Variants in KDM1A observed in about 807,000 individuals in gnomAD.
The protein encoded by KDM1A is lysine demethylase 1A.
A neutral mutation model predicts 109.4 loss-of-function variants in KDM1A; 49 were observed. That is an observed-to-expected ratio of 0.45 (90% CI 0.36 to 0.57). The LOEUF (loss-of-function observed/expected upper bound fraction) is 0.57, where lower values mean the gene tolerates loss of function less well. Ranked by LOEUF, KDM1A falls within the 20% of genes least tolerant of loss-of-function variation. KDM1A has a pLI of 0.00. For synonymous variants in KDM1A, 380 were observed against 415.4 expected, an observed-to-expected ratio of 0.91 and a Z score of 1.04; for missense variants, 668 against 1,116.6, an observed-to-expected ratio of 0.60 and a Z score of 5.73.
At chr1:23,038,205 G>T (rs1421220351) in intron 2 of KDM1A, among the ~76,000 whole-genome samples, 2 of 151,926 alleles carry the variant, frequency 1.3e-5, no homozygotes. Flanking sequence ...GCCATTTTCA[G>T]TAATGAGTCG....
At chr1:23,052,784 A>G (rs1642710150) in intron 4 of KDM1A, among the ~76,000 whole-genome samples, 1 of 152,084 alleles carries the variant, frequency 6.6e-6, no homozygotes, top group Non-Finnish European at 1.5e-5. Flanking sequence ...ATTGCTTTGT[A>G]AGATGATCCT....
In KDM1A at chr1:23,019,648, G is replaced by T; in HGVS notation, c.52G>T (p.Ala18Ser). The T allele has an allele frequency of 7.1e-7, 1 of 1,411,794 alleles. No homozygotes were observed. Among genetic ancestry groups the T allele is most frequent in the Non-Finnish European group, 9.2e-7 (1 of 1,090,166 alleles). 87.5% of individuals were successfully genotyped at this position (1,411,794 alleles called of 1,614,324 possible). ...AAAAAAAAAA[A>S]TGTEAGPGTA... ...CGCGGCGGCGGCGGCTGCAGCGGCA[G>T]CAACCGGGACGGAGGCTGGCCCTGG... The change falls in exon 1 of 21, where the codon GCA becomes TCA. Residue 18 changes from alanine (A) to serine (S), a missense_variant. This residue lies in a region of KDM1A where 156 missense variants were observed against 163.4 expected (regional missense o/e 0.95). Transcript: ENST00000400181.
chr1:23,020,102 G>A, intron 1 of KDM1A, 155 bp downstream of exon 1: 1 of 805,908 alleles, frequency 1.2e-6, no homozygotes, highest in South Asian at 3.0e-5. Flanking sequence ...TAGCTGGACG[G>A]GTGGGGTGAG....
At chr1:23,053,706 G>C in intron 4 of KDM1A, 55 bp from the exon 5 acceptor site, 2 of 1,211,892 alleles carry the variant, frequency 1.7e-6, no homozygotes, top group Non-Finnish European at 2.4e-6. Flanking sequence ...TTTAAAGATA[G>C]TCAAATAACA....
At chr1:23,040,446 C>G (rs1642274455) in intron 2 of KDM1A, among the ~76,000 whole-genome samples, 1 of 152,070 alleles carries the variant, frequency 6.6e-6, no homozygotes, top group African/African-American at 2.4e-5. Context: ...TAAGATAAAT[C>G]AAAAAGATCT....
At chr1:23,046,526 A>G (rs1642509123) in intron 3 of KDM1A, among the ~76,000 whole-genome samples, 1 of 152,122 alleles carries the variant, frequency 6.6e-6, no homozygotes, top group African/African-American at 2.4e-5. Flanking sequence ...GTTAATTTTT[A>G]TATCTCTATT....
At chr1:23,026,780 T>C (rs1641817577) in intron 1 of KDM1A, among the ~76,000 whole-genome samples, 1 of 152,162 alleles carries the variant, frequency 6.6e-6, no homozygotes. Context: ...AGACTAAAGA[T>C]TTAAATTTCA....
intron 14 of KDM1A, 107 bp from the exon 15 acceptor site, chr1:23,073,185 G>A: frequency 1.6e-6 from 1 of 636,622 alleles, no homozygotes; most frequent in South Asian, 2.1e-5. Flanking sequence ...TTCATATAAG[G>A]CACAGCCCTG....
intron 1 of KDM1A, among the ~76,000 whole-genome samples, chr1:23,022,111 T>G (rs139235190): frequency 6.6e-6 from 1 of 152,348 alleles, no homozygotes; most frequent in African/African-American, 2.4e-5. Flanking sequence ...CTTGGCTATT[T>G]TACATAATGC....
At chr1:23,032,476 C>A (rs778224383) in intron 2 of KDM1A, among the ~76,000 whole-genome samples, 3 of 150,270 alleles carry the variant, frequency 2.0e-5, no homozygotes, top group Non-Finnish European at 3.0e-5. Context: ...AATTATAATG[C>A]AGTGGTTTAG....
intron 6 of KDM1A, 140 bp downstream of exon 6, chr1:23,055,301 T>TA (rs1642799347): frequency 3.5e-6 from 1 of 289,442 alleles, no homozygotes; most frequent in Admixed American, 6.1e-5. Context: ...TTTATCTTCT[T>TA]AAAGTCAAGT....
chr1:23,057,371 A>G (rs1642861582), intron 7 of KDM1A, 113 bp from the exon 8 acceptor site: 2 of 761,090 alleles, frequency 2.6e-6, no homozygotes, highest in South Asian at 1.6e-5. Flanking sequence ...CATTCCATGT[A>G]AACTCTACAT....
At chr1:23,056,196 G>C (rs1642825631) in intron 7 of KDM1A, among the ~76,000 whole-genome samples, 158 bp downstream of exon 7, 1 of 151,776 alleles carries the variant, frequency 6.6e-6, no homozygotes, top group African/African-American at 2.4e-5. Flanking sequence ...TTTTTAAAAA[G>C]CTTTTTTTTT....
At chr1:23,030,699 C>A in intron 2 of KDM1A, 65 bp downstream of exon 2, 1 of 1,433,318 alleles carries the variant, frequency 7.0e-7, no homozygotes, top group South Asian at 1.5e-5. Context: ...GGATTTATTT[C>A]CATTTTGCAA....
At chr1:23,038,520 A>ACTTTCAAAAAGTGTTCACT (rs1201834560) in intron 2 of KDM1A, among the ~76,000 whole-genome samples, 10 of 152,212 alleles carry the variant, frequency 6.6e-5, no homozygotes, top group Admixed American at 5.2e-4. Flanking sequence ...TCTCTGGAAC[A>ACTTTCAAAAAGTGTTCACT]TTTTGAAAAG....
At chr1:23,064,129 T>A (rs1462506687) in intron 9 of KDM1A, among the ~76,000 whole-genome samples, 1 of 152,206 alleles carries the variant, frequency 6.6e-6, no homozygotes, top group Non-Finnish European at 1.5e-5. Context: ...GCTCAAGTGA[T>A]CCTCCTGCTT....
At position 23,082,246 on chromosome 1, in the gene KDM1A, G is replaced by A. The variant is rs1218474953; in HGVS notation, c.2325G>A (p.Trp775Ter). 6.2e-7 allele frequency: 1 copy of A among 1,613,518 alleles called. No homozygotes were observed. Residue 775 changes from tryptophan to a stop codon, truncating the protein, a stop_gained, in exon 20 of 21, where the codon TGG becomes TGA. Transcript: ENST00000400181. LOFTEE classifies it high-confidence loss of function. ...CCAAAGAAACTGTGGTGTCTCGTTG[G>A]CGTGCTGATCCCTGGGCTCGGGGCT... ...PQPKETVVSR[W>*]RADPWARGSY...
chr1:23,050,923 A>T (rs1301749333), intron 4 of KDM1A, among the ~76,000 whole-genome samples: 1 of 152,096 alleles, frequency 6.6e-6, no homozygotes, highest in Non-Finnish European at 1.5e-5. Context: ...TTTCTCTACT[A>T]AAAATACAAA....
intron 2 of KDM1A, among the ~76,000 whole-genome samples, chr1:23,038,841 C>T (rs910818892): frequency 7.2e-5 from 11 of 152,172 alleles, no homozygotes; most frequent in African/African-American, 2.7e-4. Context: ...TGTTTTACTT[C>T]AGTATTTTAC....
Sources: allele counts gnomAD v4.1 joint callset (sites outside exome capture counted in the v4.1 genomes callset), GRCh38; gene constraint gnomAD v4.1.1; regional missense constraint gnomAD v4.1.1; transcripts MANE v1.5; gene names NCBI Gene and HGNC (gene_info 2026-07-23, HGNC 2026-07-21).